Variants in UTRN observed in about 807,000 individuals in gnomAD.
UTRN encodes dystrophin-related protein 1.
A neutral mutation model predicts 463.9 loss-of-function variants in UTRN; 283 were observed. The observed-to-expected ratio is 0.61, with a 90% CI of 0.55 to 0.67. UTRN has a LOEUF of 0.67. Ranked by LOEUF, UTRN falls within the 30% of genes least tolerant of loss-of-function variation. The pLI, the probability that UTRN is intolerant of heterozygous loss-of-function variation, is 0.00. For synonymous variants in UTRN, 1,442 were observed against 1,431.5 expected (o/e 1.01, Z -0.17); for missense variants, 3,922 against 4,084.3 (o/e 0.96, Z 1.08).
At chr6:144,444,845 C>T (rs1363707895) in intron 14 of UTRN, among the ~76,000 whole-genome samples, 2 of 152,226 alleles carry the variant, frequency 1.3e-5, no homozygotes, top group Admixed American at 1.3e-4. Context: ...TTTAGTCACA[C>T]CTTTGATTTA....
At chr6:144,315,014 A>G (rs1245792630) in intron 2 of UTRN, among the ~76,000 whole-genome samples, 1 of 152,004 alleles carries the variant, frequency 6.6e-6, no homozygotes, top group Non-Finnish European at 1.5e-5. Flanking sequence ...ATGAGCTCGA[A>G]TGGCTTACAC....
chr6:144,590,218 G>A (rs1585427893), intron 51 of UTRN, among the ~76,000 whole-genome samples: 1 of 152,060 alleles, frequency 6.6e-6, no homozygotes, highest in African/African-American at 2.4e-5. Context: ...TTCGATGTTC[G>A]ATGTTCAAGT....
At chr6:144,732,225 TATATATATATATAC>T (rs1438178917) in intron 54 of UTRN, among the ~76,000 whole-genome samples, 1,111 of 45,732 alleles carry the variant, frequency 0.024, 22 homozygotes, top group African/African-American at 0.095. Context: ...TATATATATA[TATATATATATATAC>T]ATATATATAT....
chr6:144,307,973 A>G (rs919860793), intron 2 of UTRN, among the ~76,000 whole-genome samples: 1 of 152,110 alleles, frequency 6.6e-6, no homozygotes, highest in Non-Finnish European at 1.5e-5. Flanking sequence ...CTTTTCTCCC[A>G]GCCCTCTCCT....
At chr6:144,591,507 T>C (rs1051961141) in intron 51 of UTRN, among the ~76,000 whole-genome samples, 1 of 152,192 alleles carries the variant, frequency 6.6e-6, no homozygotes, top group Non-Finnish European at 1.5e-5. Context: ...GAAACTGATA[T>C]AATGCTGATT....
chr6:144,798,747 TTA>T (rs1777452687), intron 64 of UTRN, among the ~76,000 whole-genome samples: 1 of 152,228 alleles, frequency 6.6e-6, no homozygotes, highest in African/African-American at 2.4e-5. Flanking sequence ...GTGTCTTTTT[TTA>T]TTTATTTTTT....
chr6:144,805,886 A>G (rs1261533981), intron 65 of UTRN, among the ~76,000 whole-genome samples: 1 of 152,162 alleles, frequency 6.6e-6, no homozygotes, highest in Non-Finnish European at 1.5e-5. Flanking sequence ...AAAGAGAGAC[A>G]ATAGTAGGAG....
Position 144,548,808 on chromosome 6 carries a change from C to T in UTRN, c.6764C>T (p.Thr2255Ile). The T allele has an allele frequency of 6.2e-7, 1 of 1,614,014 alleles. No homozygotes were observed. Among genetic ancestry groups the T allele is most frequent in the Non-Finnish European group, 8.5e-7 (1 of 1,179,954 alleles). The change falls in exon 47 of 75, where the codon ACT becomes ATT. Residue 2255 changes from threonine to isoleucine, a missense_variant. Transcript: ENST00000367545. ...IDQMLKSNIV[T>I]VGDVEEINKT... ...CAGATGCTGAAGTCCAACATTGTCA[C>T]TGTTGGGGATGTAGAAGAGATCAAT...
intron 34 of UTRN, among the ~76,000 whole-genome samples, chr6:144,500,144 G>C (rs1276684098): frequency 1.3e-5 from 2 of 152,102 alleles, no homozygotes; most frequent in Non-Finnish European, 2.9e-5. Flanking sequence ...TCAGATTTCT[G>C]GGTCAGTAAT....
At chr6:144,372,902 A>G (rs1780126254) in intron 2 of UTRN, among the ~76,000 whole-genome samples, 1 of 152,204 alleles carries the variant, frequency 6.6e-6, no homozygotes, top group Non-Finnish European at 1.5e-5. Context: ...GCTAATAATT[A>G]TTGCCCATGA....
rs560066035 is a variant in UTRN, at chr6:144,689,364, C to T, written c.7653-10723C>T. ...CTCTTGGGGCAGAGCTGCAGACTTT[C>T]TCCACTGAGCCCAGCATTACACCCA... On this transcript the variant is annotated intron_variant, in intron 52 of 74. Transcript: ENST00000367545. Among the ~76,000 whole-genome samples the T allele has an allele frequency of 2.1e-3, 322 of 152,322 alleles. 1 individual carries two copies. The highest frequency in any genetic ancestry group is 2.7e-3 in the Admixed American group (41 of 15,308).
At position 144,428,854 on chromosome 6, in the gene UTRN, C is replaced by G; in HGVS notation, c.655C>G (p.Gln219Glu). The G allele has an allele frequency of 6.2e-7, 1 of 1,610,294 alleles. No individual in the cohort carries two copies. The highest frequency in any genetic ancestry group is 8.5e-7 in the Non-Finnish European group (1 of 1,178,954). The change falls in exon 8 of 75, where the codon CAA (glutamine) becomes GAA (glutamate). Residue 219 changes from glutamine (Q) to glutamate (E), a missense_variant. Physicochemically the swap from Gln to Glu is conservative, Grantham distance 29. Coordinates refer to ENST00000367545, the MANE Select transcript of UTRN (RefSeq NM_007124.3). Reference protein sequence around the residue: ...ERLEHAFSKAQTYLGIEKLLD... With the variant: ...ERLEHAFSKAETYLGIEKLLD... ...ACTTGAACATGCCTTCAGCAAGGCT[C>G]AAACTTATTTGGGAATTGAAAAGCT...
chr6:144,622,905 A>G (rs1052297605), intron 51 of UTRN, among the ~76,000 whole-genome samples: 2 of 152,222 alleles, frequency 1.3e-5, no homozygotes, highest in African/African-American at 4.8e-5. Flanking sequence ...TTTTAAAATG[A>G]GACATAACTA....
At chr6:144,625,523 A>G (rs1174359620) in intron 51 of UTRN, among the ~76,000 whole-genome samples, 1 of 152,228 alleles carries the variant, frequency 6.6e-6, no homozygotes, top group African/African-American at 2.4e-5. Context: ...TGGCATGTAA[A>G]GAATACTGGT....
chr6:144,482,426 A>G (rs752415007), intron 27 of UTRN, 38 bp downstream of exon 27: 1 of 1,145,634 alleles, frequency 8.7e-7, no homozygotes, highest in Non-Finnish European at 1.1e-6. Context: ...TATTATTATT[A>G]TTATTATTAT....
chr6:144,613,643 A>G (rs956510749), intron 51 of UTRN, among the ~76,000 whole-genome samples: 1 of 152,020 alleles, frequency 6.6e-6, no homozygotes, highest in African/African-American at 2.4e-5. Flanking sequence ...AGGGACATGA[A>G]AGGACTTTCT....
Position 144,539,344 on chromosome 6 carries a change from T to C in UTRN, c.6420T>C (p.Asn2140=). The change falls in exon 45 of 75, where the codon AAT becomes AAC. Residue 2140 remains asparagine, a synonymous_variant. Transcript: ENST00000367545. The part of the protein sequence containing the change: ...EVHAEKLKWL[N]RTELEMLSDK... ...ATGCTGAAAAACTCAAATGGCTGAA[T>C]AGAACTGAATTGGAGATGCTTTCAG... The C allele has an allele frequency of 2.5e-6, 4 of 1,613,246 alleles. No homozygotes were observed. Among genetic ancestry groups the C allele is most frequent in the Non-Finnish European group, 3.4e-6 (4 of 1,179,650 alleles).
chr6:144,459,451 C>T, intron 21 of UTRN, 97 bp downstream of exon 21: 1 of 1,296,628 alleles, frequency 7.7e-7, no homozygotes, highest in Non-Finnish European at 1.0e-6. Flanking sequence ...TTGCTTTGCA[C>T]CAACCTTCTC....
intron 35 of UTRN, among the ~76,000 whole-genome samples, chr6:144,512,195 A>T (rs1013043838): frequency 9.9e-5 from 15 of 152,210 alleles, no homozygotes; most frequent in African/African-American, 3.6e-4. Flanking sequence ...ATTGAATATA[A>T]TAGTGAATAT....
Sources: gnomAD v4.1 joint callset for allele counts (sites outside exome capture counted in the v4.1 genomes callset) on GRCh38, gnomAD v4.1.1 for gene constraint, MANE v1.5 for transcripts, NCBI Gene and HGNC (gene_info 2026-07-23, HGNC 2026-07-21) for gene names.